Variants in MLYCD observed in about 807,000 individuals in gnomAD.
MLYCD encodes malonyl-CoA decarboxylase, also known as malonyl-CoA decarboxylase, mitochondrial.
MLYCD carries 27 observed loss-of-function variants against 35.8 expected under a neutral mutation model. The ratio of observed to expected loss-of-function variants is 0.75; its 90% CI spans 0.56 to 1.04. MLYCD has a LOEUF of 1.04. Among genes scored for constraint, MLYCD ranks in the 50% least tolerant of loss-of-function variants. The pLI, the probability that MLYCD is intolerant of heterozygous loss-of-function variation, is 0.00. For synonymous variants in MLYCD, 403 were observed against 302.4 expected, an observed-to-expected ratio of 1.33 and a Z score of -3.45; for missense variants, 917 against 665.1, an observed-to-expected ratio of 1.38 and a Z score of -4.17.
chr16:83,908,473 G>T (rs1907061044), intron 3 of MLYCD, among the ~76,000 whole-genome samples, 191 bp downstream of exon 3: 1 of 150,334 alleles, frequency 6.7e-6, no homozygotes, highest in African/African-American at 2.5e-5. Flanking sequence ...GTAACAGGCA[G>T]ACAGTTATGG....
chr16:83,911,844 C>T (rs535500930), intron 3 of MLYCD: 4 of 293,200 alleles, frequency 1.4e-5, no homozygotes, highest in East Asian at 1.8e-4. Flanking sequence ...GGAACTGGAG[C>T]TGTTTGGTCT....
chr16:83,902,504 A>ATTTTTTTTTTTTTTTTTTTTTTTTTTGTT (rs67006643), intron 1 of MLYCD, among the ~76,000 whole-genome samples: 1 of 127,556 alleles, frequency 7.8e-6, no homozygotes. Context: ...TTTTAATCTG[A>ATTTTTTTTTTTTTTTTTTTTTTTTTTGTT]TTTTTTTTTT....
At chr16:83,904,864 C>A (rs1906920039) in intron 1 of MLYCD, among the ~76,000 whole-genome samples, 1 of 152,184 alleles carries the variant, frequency 6.6e-6, no homozygotes, top group Non-Finnish European at 1.5e-5. Flanking sequence ...TAAATTGAGT[C>A]CACATCTGAC....
At chr16:83,908,011 A>G in intron 2 of MLYCD, 115 bp from the exon 3 acceptor site, 1 of 1,356,994 alleles carries the variant, frequency 7.4e-7, no homozygotes, top group African/African-American at 1.4e-5. Flanking sequence ...AGAAGAGTCC[A>G]TTAAAGCTCT....
In MLYCD at chr16:83,915,948, C is replaced by T. The variant is rs759652030; in HGVS notation, c.*459C>T. Reference sequence around the variant, plus strand: ...GATGGTTGCTTTAGCCGTTTCTCACCATGCAATGCAGAGGGACAAAGGGCT... The same window carrying T: ...GATGGTTGCTTTAGCCGTTTCTCACTATGCAATGCAGAGGGACAAAGGGCT... On this transcript the variant is annotated 3_prime_UTR_variant, in exon 5 of 5. Transcript: ENST00000262430. The T allele has an allele frequency of 1.7e-5, 18 of 1,066,832 alleles. No homozygotes were observed. The highest frequency in any genetic ancestry group is 2.0e-5 in the Non-Finnish European group (18 of 878,304). The allele number at this position is 1,066,832 out of a possible 1,614,324, so 66.1% of individuals were successfully genotyped here.
chr16:83,911,238 A>G (rs1907169565), intron 3 of MLYCD, among the ~76,000 whole-genome samples: 2 of 152,072 alleles, frequency 1.3e-5, no homozygotes, highest in Admixed American at 1.3e-4. Flanking sequence ...TCGGCCTCCC[A>G]AAGTGCTGGG....
In MLYCD at chr16:83,915,620, G is replaced by T; in HGVS notation, c.*131G>T. 6.5e-7 allele frequency: 1 copy of T among 1,527,458 alleles called. No homozygotes were observed. Among genetic ancestry groups the T allele is most frequent in the South Asian group, 1.2e-5 (1 of 82,910 alleles). The allele number at this position is 1,527,458 out of a possible 1,614,324, so 94.6% of individuals were successfully genotyped here. ...TGACTGTGTTCTTGTCCCGCAGCCG[G>T]TCCACACTGTGAGGCCAGGCCTCAA... On this transcript the variant is annotated 3_prime_UTR_variant, in exon 5 of 5. Coordinates refer to ENST00000262430, the MANE Select transcript of MLYCD (RefSeq NM_012213.3).
At chr16:83,914,701 C>A (rs1377498311) in intron 4 of MLYCD, 2 of 503,788 alleles carry the variant, frequency 4.0e-6, no homozygotes, top group Non-Finnish European at 7.1e-6. Context: ...ATGGCTTGGA[C>A]CCAGGAGATG....
chr16:83,902,154 CGTATATATATATAT>C (rs1470648311), intron 1 of MLYCD, among the ~76,000 whole-genome samples: 992 of 84,450 alleles, frequency 0.012, 13 homozygotes, highest in Middle Eastern at 0.021. Context: ...TGTGTGCGTG[CGTATATATATATAT>C]ATATATATAT....
Position 83,915,644 on chromosome 16 carries a change from A to T in MLYCD, c.*155A>T. 2 of 1,513,284 alleles carry T rather than the reference A, an allele frequency of 1.3e-6. No individual in the cohort carries two copies. Among genetic ancestry groups the T allele is most frequent in the East Asian group, 4.9e-5 (2 of 40,652 alleles). The allele number at this position is 1,513,284 out of a possible 1,614,324, so 93.7% of individuals were successfully genotyped here. A position where few individuals can be genotyped will look rare whatever the true frequency, so the allele number is the denominator to read the frequency against. On this transcript the variant is annotated 3_prime_UTR_variant, in exon 5 of 5. Coordinates refer to ENST00000262430, the MANE Select transcript of MLYCD (RefSeq NM_012213.3). ...GGTCCACACTGTGAGGCCAGGCCTC[A>T]ACTTCCCTCACCCTGGGCGTGACAT...
At chr16:83,914,822 A>C in intron 4 of MLYCD, 134 bp from the exon 5 acceptor site, 3 of 1,260,562 alleles carry the variant, frequency 2.4e-6, no homozygotes, top group Non-Finnish European at 3.4e-6. Flanking sequence ...GATAAACAAC[A>C]TGTATCAGAT....
At chr16:83,906,260 G>T (rs1460103148) in intron 1 of MLYCD, among the ~76,000 whole-genome samples, 1 of 151,854 alleles carries the variant, frequency 6.6e-6, no homozygotes, top group African/African-American at 2.4e-5. Context: ...GCTTGGTGGC[G>T]CTCACCTGCA....
intron 3 of MLYCD, 40 bp from the exon 4 acceptor site, chr16:83,912,178 C>G: frequency 6.2e-7 from 1 of 1,613,738 alleles, no homozygotes; most frequent in Non-Finnish European, 8.5e-7. Flanking sequence ...GGCTGCAGAG[C>G]GGCCAGGCCA....
chr16:83,915,775 G>T lies in MLYCD; in HGVS notation c.*286G>T, dbSNP rs573672482. The T allele has an allele frequency of 7.6e-5, 101 of 1,324,052 alleles. No homozygotes were observed. In the African/African-American group the frequency reaches 1.4e-3, roughly 18 times the overall value. The allele number at this position is 1,324,052 out of a possible 1,614,324, so 82.0% of individuals were successfully genotyped here. A position where few individuals can be genotyped will look rare whatever the true frequency, so the allele number is the denominator to read the frequency against. On this transcript the variant is annotated 3_prime_UTR_variant, in exon 5 of 5. Transcript: ENST00000262430. Reference sequence around the variant, plus strand: ...TGCCCTTGGCCTGGCTCCCTGCCCGGGGCTGGTGCTGTGGTACCTACATCT... The same window carrying T: ...TGCCCTTGGCCTGGCTCCCTGCCCGTGGCTGGTGCTGTGGTACCTACATCT...
intron 3 of MLYCD, among the ~76,000 whole-genome samples, chr16:83,911,178 C>T (rs1331693597): frequency 2.6e-5 from 4 of 152,044 alleles, no homozygotes; most frequent in East Asian, 1.9e-4. Context: ...CGGGGTTTCA[C>T]CGTGTTAGCC....
At position 83,909,999 on chromosome 16, in the gene MLYCD, C is replaced by T. The variant is rs183134861; in HGVS notation, c.798+1717C>T. Among the ~76,000 whole-genome samples the T allele has an allele frequency of 7.8e-4, 119 of 152,134 alleles. 2 individuals are homozygous for T. The highest frequency in any genetic ancestry group is 1.4e-3 in the Non-Finnish European group (92 of 68,000). Reference sequence around the variant, plus strand: ...ACGTCCGCAACTTACCCATGATCATCGAGCAAGTAAGGGCGGAACTGGAAT... The same window carrying T: ...ACGTCCGCAACTTACCCATGATCATTGAGCAAGTAAGGGCGGAACTGGAAT... On this transcript the variant is annotated intron_variant, in intron 3 of 4. Coordinates refer to ENST00000262430, the MANE Select transcript of MLYCD (RefSeq NM_012213.3).
At chr16:83,909,925 G>T (rs965630316) in intron 3 of MLYCD, among the ~76,000 whole-genome samples, 1 of 151,974 alleles carries the variant, frequency 6.6e-6, no homozygotes, top group Non-Finnish European at 1.5e-5. Flanking sequence ...GTGAGCCACC[G>T]TGCCCGGCTG....
rs1341050829 is a variant in MLYCD at position 83,917,634 on chromosome 16, C to G, written c.*2145C>G. On this transcript the variant is annotated 3_prime_UTR_variant, in exon 5 of 5. Transcript: ENST00000262430. ...CTGAAAGAGTGGCTTGCAGGCCAATCAATGCAATCCTGGCAACCTGCCCGC... is the reference window on the plus strand; with the variant it reads ...CTGAAAGAGTGGCTTGCAGGCCAATGAATGCAATCCTGGCAACCTGCCCGC... 6.6e-6 allele frequency: 1 copy of G among 152,258 alleles called. No individual in the cohort carries two copies. The highest frequency in any genetic ancestry group is 1.5e-5 in the Non-Finnish European group (1 of 68,052). 9.4% of individuals were successfully genotyped at this position (152,258 alleles called of 1,614,324 possible).
intron 1 of MLYCD, among the ~76,000 whole-genome samples, chr16:83,900,727 A>T (rs1353513813): frequency 9.9e-6 from 1 of 100,612 alleles, no homozygotes; most frequent in African/African-American, 4.6e-5. Context: ...AGTTGGTGTT[A>T]AAAAAAAATT....
Sources: gnomAD v4.1 joint callset for allele counts (sites outside exome capture counted in the v4.1 genomes callset) on GRCh38, gnomAD v4.1.1 for gene constraint, MANE v1.5 for transcripts, NCBI Gene and HGNC (gene_info 2026-07-23, HGNC 2026-07-21) for gene names.